Variants in CDK14 observed in about 807,000 individuals in gnomAD.
CDK14 encodes the protein cyclin-dependent kinase 14.
Under a neutral mutation model 60.7 loss-of-function variants are expected in CDK14, and 34 were observed. The ratio of observed to expected loss-of-function variants is 0.56; its 90% CI spans 0.43 to 0.75. The LOEUF is 0.75. Ranked by LOEUF, CDK14 falls within the 30% of genes least tolerant of loss-of-function variation. The pLI, the probability that CDK14 is intolerant of heterozygous loss-of-function variation, is 0.00. For missense variants in CDK14, 482 were observed against 564.1 expected (o/e 0.85, Z 1.47); for synonymous variants, 197 against 203.7 (o/e 0.97, Z 0.28).
At chr7:90,668,307 A>C (rs192077427) in intron 2 of CDK14, among the ~76,000 whole-genome samples, 1 of 152,112 alleles carries the variant, frequency 6.6e-6, no homozygotes, top group Non-Finnish European at 1.5e-5. Flanking sequence ...AGCTATTTGC[A>C]TATCTTCTTT....
At position 91,104,694 on chromosome 7, in the gene CDK14, A is replaced by G. The variant is rs574763941; in HGVS notation, c.1155-7848A>G. Among the ~76,000 whole-genome samples, 33 of 152,286 alleles carry G rather than the reference A, an allele frequency of 2.2e-4. No homozygotes were observed. In the South Asian group the frequency reaches 6.2e-3, roughly 29 times the overall value. ...GAATGTTGTATAAATGGAATTATAT[A>G]TCTATAAGAGGCCTCTTGCCTCTTC... On this transcript the variant is annotated intron_variant, in intron 12 of 14. Coordinates refer to ENST00000380050, the MANE Select transcript of CDK14 (RefSeq NM_001287135.2).
intron 11 of CDK14, among the ~76,000 whole-genome samples, chr7:91,075,815 G>T (rs116679961): frequency 6.6e-6 from 1 of 151,756 alleles, no homozygotes; most frequent in African/African-American, 2.4e-5. Context: ...GCATTCCTAC[G>T]TACCAACAAT....
At chr7:90,931,336 T>A (rs188420717) in intron 8 of CDK14, among the ~76,000 whole-genome samples, 215 of 152,348 alleles carry the variant, frequency 1.4e-3, no homozygotes, top group African/African-American at 4.9e-3. Context: ...AGCACAAATG[T>A]TGAAGGCAGT....
At chr7:90,911,442 A>C (rs1792897458) in intron 7 of CDK14, among the ~76,000 whole-genome samples, 1 of 152,172 alleles carries the variant, frequency 6.6e-6, no homozygotes, top group Admixed American at 6.6e-5. Flanking sequence ...CTGTGTTCTA[A>C]ATGGTAGGAC....
intron 12 of CDK14, among the ~76,000 whole-genome samples, chr7:91,085,932 C>T (rs1450441203): frequency 6.6e-6 from 1 of 152,160 alleles, no homozygotes; most frequent in Non-Finnish European, 1.5e-5. Context: ...AGCCATTAGG[C>T]CTCTGTGGTT....
intron 12 of CDK14, among the ~76,000 whole-genome samples, chr7:91,089,491 G>T (rs542897375): frequency 6.6e-6 from 1 of 151,022 alleles, no homozygotes; most frequent in Non-Finnish European, 1.5e-5. Context: ...ATCCTATTTG[G>T]ATATAACTGA....
Position 90,777,016 on chromosome 7 carries a change from TAAA to T in CDK14, c.465-13544_465-13542del, listed in dbSNP as rs11370384. Reference sequence around the variant, plus strand: ...AGCAAAATAGTGACACGAAGTTAGTTAAAAAAAAAAAAAAAGTCATACTTAAAT... The same window carrying T: ...AGCAAAATAGTGACACGAAGTTAGTTAAAAAAAAAAAAGTCATACTTAAAT... On this transcript the variant is annotated intron_variant, in intron 4 of 14. Transcript: ENST00000380050. Among the ~76,000 whole-genome samples, 603 of 147,828 alleles carry T rather than the reference TAAA, an allele frequency of 4.1e-3. 2 individuals are homozygous for T. The highest frequency in any genetic ancestry group is 0.011 in the African/African-American group (438 of 40,530).
intron 2 of CDK14, among the ~76,000 whole-genome samples, chr7:90,708,049 G>A (rs963821557): frequency 1.3e-5 from 2 of 152,166 alleles, no homozygotes; most frequent in African/African-American, 2.4e-5. Flanking sequence ...AACATTGTAC[G>A]AATGTTAGGG....
intron 12 of CDK14, among the ~76,000 whole-genome samples, chr7:91,093,277 A>G (rs945297141): frequency 1.3e-5 from 2 of 152,190 alleles, no homozygotes; most frequent in South Asian, 2.1e-4. Flanking sequence ...GCGTTGATCA[A>G]TCTGGACCTG....
chr7:90,601,431 A>C (rs546333575), intron 1 of CDK14, among the ~76,000 whole-genome samples: 6 of 152,334 alleles, frequency 3.9e-5, no homozygotes, highest in Admixed American at 3.9e-4. Flanking sequence ...AAACCGTGTA[A>C]GGTGTCAGTC....
chr7:91,070,619 G>T (rs1014663579), intron 11 of CDK14, among the ~76,000 whole-genome samples: 5 of 152,060 alleles, frequency 3.3e-5, no homozygotes, highest in African/African-American at 1.2e-4. Context: ...AGTTAGCCAG[G>T]CATGGTGGCA....
chr7:90,950,041 T>C (rs1794208224), intron 8 of CDK14, among the ~76,000 whole-genome samples: 1 of 152,260 alleles, frequency 6.6e-6, no homozygotes, highest in Non-Finnish European at 1.5e-5. Context: ...TTATTGTTAC[T>C]GTTATTCGCA....
intron 2 of CDK14, among the ~76,000 whole-genome samples, chr7:90,610,498 T>C (rs559580964): frequency 6.6e-6 from 1 of 152,210 alleles, no homozygotes; most frequent in Non-Finnish European, 1.5e-5. Flanking sequence ...AGGCTTTCTC[T>C]CTGTTAGTTT....
At chr7:90,914,285 C>T (rs1291713649) in intron 7 of CDK14, among the ~76,000 whole-genome samples, 2 of 152,200 alleles carry the variant, frequency 1.3e-5, no homozygotes, top group Admixed American at 6.5e-5. Flanking sequence ...CTTCTTGTAA[C>T]AGCCAAATCA....
intron 3 of CDK14, among the ~76,000 whole-genome samples, chr7:90,744,841 C>CT (rs1554326570): frequency 2.4e-5 from 3 of 126,938 alleles, no homozygotes; most frequent in South Asian, 2.8e-4. Flanking sequence ...CCCTCCCGGA[C>CT]GGGGGCTGAC....
Position 90,667,894 on chromosome 7 carries a change from T to G in CDK14, c.124-58673T>G, listed in dbSNP as rs1277898879. On this transcript the variant is annotated intron_variant, in intron 2 of 14. Transcript: ENST00000380050. ...AGTACTTTCTTTTTATAGCTTTATA[T>G]TCCGTGGTAGGGATAGATCACATTT... 7.2e-5 allele frequency among the ~76,000 whole-genome samples: 11 copies of G among 152,192 alleles called. No individual in the cohort carries two copies. In the East Asian group the frequency reaches 1.7e-3, roughly 24 times the overall value.
chr7:90,642,234 A>G (rs1041381367), intron 2 of CDK14, among the ~76,000 whole-genome samples: 1 of 152,388 alleles, frequency 6.6e-6, no homozygotes, highest in Admixed American at 6.5e-5. Context: ...TGTGTTTACA[A>G]TATGCCAGAA....
intron 9 of CDK14, among the ~76,000 whole-genome samples, chr7:90,968,165 A>G (rs1277151033): frequency 6.6e-6 from 1 of 152,176 alleles, no homozygotes; most frequent in African/African-American, 2.4e-5. Context: ...TTAATTTTAG[A>G]TGCTATATTA....
At chr7:91,038,607 G>A (rs1796997371) in intron 10 of CDK14, among the ~76,000 whole-genome samples, 2 of 152,216 alleles carry the variant, frequency 1.3e-5, no homozygotes, top group Admixed American at 1.3e-4. Flanking sequence ...AACTAATCAG[G>A]TGGAATGGGC....
Sources: allele counts gnomAD v4.1 joint callset (sites outside exome capture counted in the v4.1 genomes callset), GRCh38; gene constraint gnomAD v4.1.1; transcripts MANE v1.5; gene names NCBI Gene and HGNC (gene_info 2026-07-23, HGNC 2026-07-21).